Variants in SCFD2 observed in about 807,000 individuals in gnomAD.
The protein encoded by SCFD2 is sec1 family domain-containing protein 2.
Under a neutral mutation model 58.9 loss-of-function variants are expected in SCFD2, and 54 were observed. That is an observed-to-expected ratio of 0.92 (90% CI 0.74 to 1.15). The LOEUF is 1.15. SCFD2 is among the 50% of genes most tolerant of loss of function. The pLI is 0.00. For synonymous variants in SCFD2, 321 were observed against 335.9 expected, an observed-to-expected ratio of 0.96 and a Z score of 0.49; for missense variants, 805 against 836.6, an observed-to-expected ratio of 0.96 and a Z score of 0.47.
intron 4 of SCFD2, among the ~76,000 whole-genome samples, chr4:53,255,955 G>T (rs1356548089): frequency 1.3e-5 from 2 of 150,274 alleles, no homozygotes; most frequent in Non-Finnish European, 3.0e-5. Context: ...TGGGGTGGCT[G>T]GCCGGGTGGG....
intron 8 of SCFD2, among the ~76,000 whole-genome samples, chr4:52,884,483 C>T (rs891414797): frequency 2.0e-5 from 3 of 152,214 alleles, no homozygotes; most frequent in Non-Finnish European, 2.9e-5. Flanking sequence ...TGTAACACCA[C>T]CTCCTCAGGG....
chr4:53,148,871 A>G (rs372811769), intron 4 of SCFD2, among the ~76,000 whole-genome samples: 1 of 152,188 alleles, frequency 6.6e-6, no homozygotes, highest in Admixed American at 6.5e-5. Flanking sequence ...CTAGCTGAGC[A>G]TGGTGGCATG....
chr4:53,126,447 C>T (rs1407436829), intron 5 of SCFD2, among the ~76,000 whole-genome samples: 2 of 151,332 alleles, frequency 1.3e-5, no homozygotes, highest in Admixed American at 6.6e-5. Flanking sequence ...TCCTGAGTGG[C>T]TGGGATTACA....
At chr4:53,047,158 C>T (rs1489972166) in intron 5 of SCFD2, among the ~76,000 whole-genome samples, 1 of 152,136 alleles carries the variant, frequency 6.6e-6, no homozygotes, top group Non-Finnish European at 1.5e-5. Context: ...TGTGAAATCC[C>T]AATTCTCACT....
intron 5 of SCFD2, among the ~76,000 whole-genome samples, chr4:53,043,958 C>T (rs1179730658): frequency 6.6e-6 from 1 of 152,174 alleles, no homozygotes; most frequent in Non-Finnish European, 1.5e-5. Context: ...ATGTTAGACG[C>T]TGTGGTAGCC....
chr4:53,272,932 TAAAACC>T (rs1216045404), intron 4 of SCFD2, among the ~76,000 whole-genome samples: 2 of 152,030 alleles, frequency 1.3e-5, no homozygotes, highest in African/African-American at 2.4e-5. Context: ...TATGTAAAAT[TAAAACC>T]CATAGCATAA....
intron 5 of SCFD2, among the ~76,000 whole-genome samples, chr4:52,992,265 G>A (rs957814684): frequency 6.6e-6 from 1 of 152,200 alleles, no homozygotes; most frequent in Non-Finnish European, 1.5e-5. Flanking sequence ...CTAACCGCGA[G>A]TGATCTGCCA....
At chr4:53,207,502 T>TATAAATATATATAA (rs1560385123) in intron 4 of SCFD2, among the ~76,000 whole-genome samples, 1 of 39,122 alleles carries the variant, frequency 2.6e-5, no homozygotes, top group Non-Finnish European at 4.0e-5. Context: ...TTCATATATA[T>TATAAATATATATAA]ATATTATATA....
intron 7 of SCFD2, among the ~76,000 whole-genome samples, chr4:52,902,593 C>G (rs780228641): frequency 1.3e-5 from 2 of 152,236 alleles, no homozygotes; most frequent in Non-Finnish European, 2.9e-5. Context: ...TTTCAGACAT[C>G]ACAGTGTGGC....
chr4:53,185,974 C>T (rs1727725785), intron 4 of SCFD2, among the ~76,000 whole-genome samples: 1 of 152,078 alleles, frequency 6.6e-6, no homozygotes, highest in Non-Finnish European at 1.5e-5. Context: ...TATTCTGCTT[C>T]GTAAGTAAAA....
chr4:52,885,809 C>T lies in SCFD2; in HGVS notation c.1900G>A (p.Val634Ile). ...PLLILFVVGG[V>I]TVSEVKMVKD... ...ACCATTTTCACTTCAGAGACTGTGACCCCACCTACCACAAAGAGGATCAGG... is the reference window on the plus strand; with the variant it reads ...ACCATTTTCACTTCAGAGACTGTGATCCCACCTACCACAAAGAGGATCAGG... Residue 634 changes from valine to isoleucine, a missense_variant, in exon 8 of 9, where the codon GTC (valine) becomes ATC (isoleucine). By Grantham distance (29) the Val-to-Ile change is conservative (BLOSUM62 3). Around this residue, in one of 3 missense-constraint regions of SCFD2, gnomAD observed 633 missense variants for 646.8 expected, o/e 0.98. Transcript: ENST00000401642. 4 of 1,614,142 alleles carry T rather than the reference C, an allele frequency of 2.5e-6. No individual in the cohort carries two copies. The highest frequency in any genetic ancestry group is 3.4e-6 in the Non-Finnish European group (4 of 1,179,998).
intron 4 of SCFD2, among the ~76,000 whole-genome samples, chr4:53,221,539 T>C (rs185279148): frequency 6.6e-6 from 1 of 152,334 alleles, no homozygotes; most frequent in African/African-American, 2.4e-5. Flanking sequence ...GAATGATGCC[T>C]CCCCATCTGT....
At chr4:53,050,864 C>G (rs1723170681) in intron 5 of SCFD2, among the ~76,000 whole-genome samples, 1 of 152,192 alleles carries the variant, frequency 6.6e-6, no homozygotes, top group African/African-American at 2.4e-5. Context: ...CTTGCTTCCT[C>G]TAAAGCTGCT....
intron 5 of SCFD2, among the ~76,000 whole-genome samples, chr4:53,053,368 A>G (rs1340172810): frequency 2.6e-5 from 4 of 152,146 alleles, no homozygotes; most frequent in Non-Finnish European, 5.9e-5. Context: ...AGACATATGA[A>G]AATTTCATTA....
intron 3 of SCFD2, among the ~76,000 whole-genome samples, chr4:53,300,185 T>C (rs1732224429): frequency 6.6e-6 from 1 of 152,168 alleles, no homozygotes; most frequent in Non-Finnish European, 1.5e-5. Context: ...CCCATCAGTA[T>C]GCTGTATTCA....
chr4:53,310,825 G>A (rs769807197), intron 3 of SCFD2, among the ~76,000 whole-genome samples: 1 of 152,080 alleles, frequency 6.6e-6, no homozygotes, highest in African/African-American at 2.4e-5. Flanking sequence ...AAGATATGAG[G>A]TTTCAATCAT....
At chr4:53,164,521 T>C (rs1726946243) in intron 4 of SCFD2, among the ~76,000 whole-genome samples, 1 of 152,096 alleles carries the variant, frequency 6.6e-6, no homozygotes, top group East Asian at 1.9e-4. Flanking sequence ...TGGCAGAATG[T>C]GGTGTCTCAT....
At chr4:53,038,468 G>A (rs1307146299) in intron 5 of SCFD2, among the ~76,000 whole-genome samples, 1 of 152,106 alleles carries the variant, frequency 6.6e-6, no homozygotes, top group African/African-American at 2.4e-5. Context: ...ATGTTCAAAT[G>A]TTCACAGAAG....
Position 53,346,139 on chromosome 4 carries a change from T to A in SCFD2, c.1007+6459A>T, listed in dbSNP as rs547235541. ...AAAATAAATAAAAGAAATAAGATAT[T>A]TATACATGTTCATATGTATAGTATA... is the stretch of plus-strand genomic sequence containing the variant. On this transcript the variant is annotated intron_variant, in intron 2 of 8. Coordinates refer to ENST00000401642, the MANE Select transcript of SCFD2 (RefSeq NM_152540.4). Among the ~76,000 whole-genome samples the A allele has an allele frequency of 5.3e-5, 8 of 152,112 alleles. No homozygotes were observed. In the East Asian group the frequency reaches 1.5e-3, roughly 29 times the overall value.
Sources: gnomAD v4.1 joint callset for allele counts (sites outside exome capture counted in the v4.1 genomes callset) on GRCh38, gnomAD v4.1.1 for gene constraint, gnomAD v4.1.1 regional missense constraint, MANE v1.5 for transcripts, NCBI Gene and HGNC (gene_info 2026-07-23, HGNC 2026-07-21) for gene names.